Variants in EIF2A observed in about 807,000 individuals in gnomAD.
EIF2A encodes the protein eukaryotic translation initiation factor 2A.
A neutral mutation model predicts 75.2 loss-of-function variants in EIF2A; 62 were observed. That is an observed-to-expected ratio of 0.82 (90% CI 0.67 to 1.02). EIF2A has a LOEUF of 1.02. Among genes scored for constraint, EIF2A ranks in the 50% least tolerant of loss-of-function variants. The pLI is 0.00. For missense variants in EIF2A, 611 were observed against 677.7 expected, an observed-to-expected ratio of 0.90 and a Z score of 1.09; for synonymous variants, 207 against 239.0, an observed-to-expected ratio of 0.87 and a Z score of 1.23.
In EIF2A at chr3:150,564,955, C is replaced by T. The variant is rs114379776; in HGVS notation, c.475+574C>T. 875 of 175,132 alleles carry T rather than the reference C, an allele frequency of 5.0e-3. 2 individuals are homozygous for T. The highest frequency in any genetic ancestry group is 8.2e-3 in the Admixed American group (135 of 16,564). The allele number at this position is 175,132 out of a possible 1,614,324, so 10.8% of individuals were successfully genotyped here. A position where few individuals can be genotyped will look rare whatever the true frequency, so the allele number is the denominator to read the frequency against. ...AAATTTCTACTAATTGCAAATGTTACAATTTTTTTTAAAACTCGGGATCCA... is the reference window on the plus strand; with the variant it reads ...AAATTTCTACTAATTGCAAATGTTATAATTTTTTTTAAAACTCGGGATCCA... On this transcript the variant is annotated intron_variant, in intron 6 of 13. Transcript: ENST00000460851.
At chr3:150,558,745 T>G (rs1344840921) in intron 3 of EIF2A, 1 of 182,438 alleles carries the variant, frequency 5.5e-6, no homozygotes, top group East Asian at 1.3e-4. Context: ...TCTAAGTTAT[T>G]GGTTGGAGTT....
At chr3:150,580,582 A>C (rs530504040) in intron 11 of EIF2A, among the ~76,000 whole-genome samples, 2 of 152,142 alleles carry the variant, frequency 1.3e-5, no homozygotes, top group Non-Finnish European at 2.9e-5. Context: ...TCCCAAGTTC[A>C]TGGATAGGTT....
chr3:150,560,911 T>C (rs1186052898), intron 3 of EIF2A, among the ~76,000 whole-genome samples: 3 of 152,114 alleles, frequency 2.0e-5, no homozygotes, highest in African/African-American at 7.2e-5. Flanking sequence ...TGTAAGATTG[T>C]TGTAAGGATT....
chr3:150,558,618 A>G (rs1379407738), intron 3 of EIF2A, 156 bp downstream of exon 3: 1 of 532,706 alleles, frequency 1.9e-6, no homozygotes, highest in South Asian at 4.1e-5. Flanking sequence ...AATACCTTCA[A>G]AGTTGTTCAT....
Position 150,585,369 on chromosome 3 carries a change from A to C in EIF2A, c.*1458A>C, listed in dbSNP as rs1393845351. On this transcript the variant is annotated 3_prime_UTR_variant, in exon 14 of 14. Coordinates refer to ENST00000460851, the MANE Select transcript of EIF2A (RefSeq NM_032025.5). ...ACCCCATCTCTACTAAAAATACAAAAGTATCCAGGCGTGGTAGCACATACC... is the reference window on the plus strand; with the variant it reads ...ACCCCATCTCTACTAAAAATACAAACGTATCCAGGCGTGGTAGCACATACC... The C allele has an allele frequency of 6.6e-6, 1 of 152,226 alleles. No homozygotes were observed. The highest frequency in any genetic ancestry group is 1.5e-5 in the Non-Finnish European group (1 of 68,062). The allele number at this position is 152,226 out of a possible 1,614,324, so 9.4% of individuals were successfully genotyped here. A position where few individuals can be genotyped will look rare whatever the true frequency, so the allele number is the denominator to read the frequency against.
intron 3 of EIF2A, chr3:150,558,683 A>C: frequency 3.5e-6 from 1 of 288,706 alleles, no homozygotes; most frequent in Non-Finnish European, 6.3e-6. Context: ...AAAAATTAAT[A>C]TATGAAAAAT....
chr3:150,567,443 G>A, intron 6 of EIF2A: 1 of 362,384 alleles, frequency 2.8e-6, no homozygotes. Flanking sequence ...ATTACTGAGA[G>A]TTGGGTGGTA....
At chr3:150,558,547 C>A in intron 3 of EIF2A, 85 bp downstream of exon 3, 1 of 1,188,404 alleles carries the variant, frequency 8.4e-7, no homozygotes. Context: ...ATTTGAGTGT[C>A]ATTAATAAAA....
intron 1 of EIF2A, among the ~76,000 whole-genome samples, chr3:150,550,592 A>C (rs1352646406): frequency 6.6e-6 from 1 of 152,210 alleles, no homozygotes; most frequent in Non-Finnish European, 1.5e-5. Context: ...TACAGCTGTA[A>C]TCCCAGCACT....
chr3:150,578,198 ATTT>A (rs1724977665), intron 11 of EIF2A, among the ~76,000 whole-genome samples: 1 of 151,588 alleles, frequency 6.6e-6, no homozygotes, highest in Admixed American at 6.6e-5. Context: ...ATCAAAAGAT[ATTT>A]TTAATATGAC....
chr3:150,580,143 T>A (rs2107974184), intron 11 of EIF2A, among the ~76,000 whole-genome samples: 1 of 152,214 alleles, frequency 6.6e-6, no homozygotes, highest in African/African-American at 2.4e-5. Flanking sequence ...TATGAGAGCC[T>A]GGGAAAGGTG....
chr3:150,564,058 A>T (rs1028205960), intron 5 of EIF2A, among the ~76,000 whole-genome samples: 1 of 152,164 alleles, frequency 6.6e-6, no homozygotes, highest in Admixed American at 6.5e-5. Context: ...ACCTCAGGTG[A>T]TCCACCTGCC....
At chr3:150,563,064 ATGT>A (rs780863961) in intron 4 of EIF2A, among the ~76,000 whole-genome samples, 9 of 152,206 alleles carry the variant, frequency 5.9e-5, no homozygotes, top group Admixed American at 1.3e-4. Context: ...AGAGTCGAAA[ATGT>A]TGTGCCATTT....
chr3:150,582,337 CAG>C (rs1725236058), intron 12 of EIF2A, among the ~76,000 whole-genome samples: 1 of 149,160 alleles, frequency 6.7e-6, no homozygotes, highest in African/African-American at 2.5e-5. Context: ...TTTTTTGAGA[CAG>C]AGTCTTGCTC....
chr3:150,578,214 T>C (rs569718154), intron 11 of EIF2A, among the ~76,000 whole-genome samples: 1 of 151,402 alleles, frequency 6.6e-6, no homozygotes, highest in African/African-American at 2.4e-5. Flanking sequence ...AATATGACCA[T>C]TGGTGATACT....
intron 11 of EIF2A, among the ~76,000 whole-genome samples, chr3:150,576,279 A>G (rs961888076): frequency 6.6e-6 from 1 of 151,974 alleles, no homozygotes; most frequent in African/African-American, 2.4e-5. Flanking sequence ...TCTCTATGAA[A>G]AATTTTTTGC....
At chr3:150,548,793 C>A (rs992814867) in intron 1 of EIF2A, among the ~76,000 whole-genome samples, 2 of 152,204 alleles carry the variant, frequency 1.3e-5, no homozygotes. Flanking sequence ...GTTGTCTGTT[C>A]AGTCTACTCT....
rs562008935 is a variant in EIF2A at position 150,574,538 on chromosome 3, C to T, written c.1384-1111C>T. On this transcript the variant is annotated intron_variant, in intron 10 of 13. Transcript: ENST00000460851. ...TGTATAACTTAAGTAGCATTTTATG[C>T]AACATGGATAAAAATGAAATGAAAG... Among the ~76,000 whole-genome samples the T allele has an allele frequency of 5.3e-5, 8 of 152,286 alleles. No individual in the cohort carries two copies. In the South Asian group the frequency reaches 1.7e-3, roughly 32 times the overall value.
chr3:150,553,044 C>T (rs934685826), intron 2 of EIF2A, among the ~76,000 whole-genome samples: 4 of 152,044 alleles, frequency 2.6e-5, no homozygotes, highest in African/African-American at 7.2e-5. Context: ...AAGCTGGGCC[C>T]GGTGGCTCAC....
Sources: gnomAD v4.1 joint callset for allele counts (sites outside exome capture counted in the v4.1 genomes callset) on GRCh38, gnomAD v4.1.1 for gene constraint, MANE v1.5 for transcripts, NCBI Gene and HGNC (gene_info 2026-07-23, HGNC 2026-07-21) for gene names.